The following TSPAN19 variants were observed in gnomAD, a reference collection of about 807,000 sequenced individuals.
TSPAN19 encodes tetraspanin 19.
In TSPAN19, 44 loss-of-function variants were observed where a neutral mutation model predicts 35.1. The observed-to-expected ratio is 1.25, with a 90% CI of 0.98 to 1.61. The LOEUF is 1.61. Ranked by LOEUF, TSPAN19 falls within the 40% of genes most tolerant of loss-of-function variation. The pLI is 0.00. For missense variants in TSPAN19, 290 were observed against 280.0 expected (o/e 1.04, Z -0.26); for synonymous variants, 79 against 92.0 (o/e 0.86, Z 0.81).
chr12:85,030,355 C>T (rs562660437), intron 1 of TSPAN19, among the ~76,000 whole-genome samples: 1 of 152,038 alleles, frequency 6.6e-6, no homozygotes, highest in Admixed American at 6.6e-5. Context: ...CATTAGATAG[C>T]CAGGAACATT....
At chr12:85,023,467 GGGAAAACACACACCATT>G in intron 4 of TSPAN19, 67 bp from the exon 5 acceptor site, 1 of 1,245,906 alleles carries the variant, frequency 8.0e-7, no homozygotes, top group Non-Finnish European at 1.1e-6. Context: ...CTCAAATAAT[GGGAAAACACACACCATT>G]GGAAATATGC....
intron 1 of TSPAN19, among the ~76,000 whole-genome samples, chr12:85,032,487 TAGTA>T (rs1345655298): frequency 5.9e-5 from 9 of 152,206 alleles, no homozygotes; most frequent in African/African-American, 1.4e-4. Context: ...GGTGAGAACT[TAGTA>T]AGCGCAAATG....
intron 1 of TSPAN19, among the ~76,000 whole-genome samples, chr12:85,034,331 T>C (rs1249310972): frequency 1.3e-5 from 2 of 152,180 alleles, no homozygotes; most frequent in African/African-American, 4.8e-5. Flanking sequence ...AAAAATGCTC[T>C]TAAACTAAAA....
chr12:85,030,785 A>G (rs1877648578), intron 1 of TSPAN19, among the ~76,000 whole-genome samples: 1 of 152,074 alleles, frequency 6.6e-6, no homozygotes, highest in South Asian at 2.1e-4. Flanking sequence ...TACCTACTCC[A>G]TTGGTTTTTG....
intron 3 of TSPAN19, 132 bp downstream of exon 3, chr12:85,029,585 AAG>A (rs1803109815): frequency 1.2e-6 from 1 of 805,886 alleles, no homozygotes; most frequent in African/African-American, 1.8e-5. Flanking sequence ...ACAACTGATG[AAG>A]ACTTTCAGAA....
intron 4 of TSPAN19, among the ~76,000 whole-genome samples, chr12:85,026,974 C>A (rs1232077542): frequency 6.6e-6 from 1 of 152,154 alleles, no homozygotes; most frequent in Non-Finnish European, 1.5e-5. Context: ...AAAATGACAG[C>A]AGCTGAACTT....
chr12:85,031,209 T>A (rs2135817521), intron 1 of TSPAN19, among the ~76,000 whole-genome samples: 1 of 152,312 alleles, frequency 6.6e-6, no homozygotes, highest in South Asian at 2.1e-4. Flanking sequence ...TGCTGTCATT[T>A]GTTTTTTCTA....
intron 7 of TSPAN19, chr12:85,016,859 A>G (rs747382507): frequency 5.3e-5 from 8 of 151,776 alleles, no homozygotes; most frequent in Non-Finnish European, 1.2e-4. Flanking sequence ...GTAATGTTCC[A>G]TTTATTTATG....
At chr12:85,014,663 G>A in intron 8 of TSPAN19, 108 bp from the exon 9 acceptor site, 1 of 746,824 alleles carries the variant, frequency 1.3e-6, no homozygotes, top group Non-Finnish European at 2.2e-6. Flanking sequence ...AGGGAAAAGG[G>A]ATCAAAACTG....
Position 85,015,897 on chromosome 12 carries a change from T to G in TSPAN19, c.669A>C (p.Leu223Phe). 6.5e-7 allele frequency: 1 copy of G among 1,547,378 alleles called. No homozygotes were observed. Among genetic ancestry groups the G allele is most frequent in the Non-Finnish European group, 8.7e-7 (1 of 1,144,486 alleles). ...LTLIGINFGL[L>F]TSEVFQVSLT... ...ATGAACAAAAGCTTACCTCTGAAGTTAAAAGTCCAAAGTTAATTCCGATTA... is the reference window on the plus strand; with the variant it reads ...ATGAACAAAAGCTTACCTCTGAAGTGAAAAGTCCAAAGTTAATTCCGATTA... Residue 223 changes from leucine (L) to phenylalanine (F), a missense_variant, in exon 8 of 9, where the codon TTA becomes TTC. By Grantham distance (22) the Leu-to-Phe change is conservative (BLOSUM62 0). Transcript: ENST00000532498.
chr12:85,018,978 C>T (rs920528080), intron 6 of TSPAN19, among the ~76,000 whole-genome samples: 2 of 151,744 alleles, frequency 1.3e-5, no homozygotes, highest in Non-Finnish European at 1.5e-5. Context: ...TTTCTGTAAA[C>T]CATTTAGCCG....
intron 6 of TSPAN19, among the ~76,000 whole-genome samples, chr12:85,018,054 A>C (rs1294597464): frequency 6.6e-6 from 1 of 151,822 alleles, no homozygotes; most frequent in African/African-American, 2.4e-5. Flanking sequence ...TTAATGTGAG[A>C]TGTTAACTTT....
chr12:85,031,210 G>T (rs940944159), intron 1 of TSPAN19, among the ~76,000 whole-genome samples: 3 of 152,034 alleles, frequency 2.0e-5, no homozygotes, highest in African/African-American at 4.8e-5. Context: ...GCTGTCATTT[G>T]TTTTTTCTAC....
Position 85,017,437 on chromosome 12 carries a change from A to G in TSPAN19, c.594+19T>C. On this transcript the variant is annotated intron_variant, in intron 7 of 8. Transcript: ENST00000532498. ...ACAAAATACTATAAATACTTGTAGA[A>G]GCCTAGATTTATCTTTACCTCAAGG... is the stretch of plus-strand genomic sequence containing the variant. The G allele has an allele frequency of 2.5e-6, 4 of 1,597,128 alleles. No homozygotes were observed. Among genetic ancestry groups the G allele is most frequent in the Non-Finnish European group, 3.4e-6 (4 of 1,171,508 alleles).
In TSPAN19 at chr12:85,019,673, G is replaced by C. The variant is rs1263821260; in HGVS notation, c.403C>G (p.Pro135Ala). 2 of 1,609,384 alleles carry C rather than the reference G, an allele frequency of 1.2e-6. No homozygotes were observed. Among genetic ancestry groups the C allele is most frequent in the Admixed American group, 3.4e-5 (2 of 59,332 alleles). ...ATAGTCCACTTGGTTATATCTTCAG[G>C]CTTATCTTTAGATCCATACTCAGAA... is the stretch of plus-strand genomic sequence containing the variant. ...VISEYGSKDK[P>A]EDITKWTILN... The change falls in exon 6 of 9, where the codon CCT becomes GCT. Residue 135 changes from proline to alanine, a missense_variant. By Grantham distance (27) the Pro-to-Ala change is conservative. Coordinates refer to ENST00000532498, the MANE Select transcript of TSPAN19 (RefSeq NM_001100917.2).
chr12:85,027,755 G>A, intron 4 of TSPAN19, 144 bp downstream of exon 4: 1 of 764,430 alleles, frequency 1.3e-6, no homozygotes. Flanking sequence ...CTTTGTTGGA[G>A]GGAGGAGGGT....
rs541929841 is a variant in TSPAN19, at chr12:85,018,092, C to A, written c.451-493G>T. On this transcript the variant is annotated intron_variant, in intron 6 of 8. Transcript: ENST00000532498. ...ATTTTGTATTGTGTGAAAATTACCA[C>A]AAAGAACCAAAATAAGATAATAAAA... 1.1e-3 allele frequency among the ~76,000 whole-genome samples: 166 copies of A among 151,706 alleles called. No individual in the cohort carries two copies. In the Middle Eastern group the frequency reaches 0.024, roughly 22 times the overall value.
intron 4 of TSPAN19, among the ~76,000 whole-genome samples, chr12:85,026,113 T>A (rs1877397197): frequency 2.6e-5 from 4 of 152,172 alleles, no homozygotes; most frequent in Admixed American, 2.6e-4. Flanking sequence ...TTGAATTATA[T>A]GAGGCAGAAA....
At chr12:85,023,464 A>G in intron 4 of TSPAN19, 64 bp from the exon 5 acceptor site, 1 of 1,307,642 alleles carries the variant, frequency 7.6e-7, no homozygotes, top group Non-Finnish European at 1.1e-6. Flanking sequence ...ATGCTCAAAT[A>G]ATGGGAAAAC....
Sources: gnomAD v4.1 joint callset for allele counts (sites outside exome capture counted in the v4.1 genomes callset) on GRCh38, gnomAD v4.1.1 for gene constraint, MANE v1.5 for transcripts, NCBI Gene and HGNC (gene_info 2026-07-23, HGNC 2026-07-21) for gene names.